SCN3A: variants seen among roughly 807,000 people sequenced by gnomAD.
The protein encoded by SCN3A is sodium voltage-gated channel alpha subunit 3.
SCN3A carries 60 observed loss-of-function variants against 187.6 expected under a neutral mutation model. That is an observed-to-expected ratio of 0.32 (90% CI 0.26 to 0.40). SCN3A has a LOEUF of 0.40. SCN3A is among the 10% of genes least tolerant of loss of function. The pLI, the probability that SCN3A is intolerant of heterozygous loss-of-function variation, is 1.00. For missense variants in SCN3A, 1,601 were observed against 2,428.2 expected, an observed-to-expected ratio of 0.66 and a Z score of 7.16; for synonymous variants, 788 against 829.2, an observed-to-expected ratio of 0.95 and a Z score of 0.85.
chr2:165,113,548 C>T (rs1055485072), intron 20 of SCN3A, among the ~76,000 whole-genome samples: 9 of 151,968 alleles, frequency 5.9e-5, no homozygotes, highest in South Asian at 2.1e-4. Flanking sequence ...GGGAAAGTAA[C>T]GTGGTTACAG....
At chr2:165,152,595 G>A (rs1688751090) in intron 11 of SCN3A, among the ~76,000 whole-genome samples, 2 of 152,230 alleles carry the variant, frequency 1.3e-5, no homozygotes, top group East Asian at 1.9e-4. Flanking sequence ...TCCAGTAATG[G>A]GATGGCTGGG....
At chr2:165,111,265 AC>A (rs1043207886) in intron 21 of SCN3A, among the ~76,000 whole-genome samples, 1 of 152,094 alleles carries the variant, frequency 6.6e-6, no homozygotes, top group Non-Finnish European at 1.5e-5. Flanking sequence ...AACCCCAGAG[AC>A]GGAGGTTGCA....
intron 2 of SCN3A, among the ~76,000 whole-genome samples, chr2:165,181,996 T>C (rs540008281): frequency 6.6e-6 from 1 of 152,292 alleles, no homozygotes; most frequent in East Asian, 1.9e-4. Flanking sequence ...ATGAAGAAAA[T>C]GCAGACTATG....
chr2:165,138,781 T>C (rs1687818632), intron 14 of SCN3A, among the ~76,000 whole-genome samples: 1 of 152,156 alleles, frequency 6.6e-6, no homozygotes, highest in Admixed American at 6.6e-5. Flanking sequence ...TGATATAAAA[T>C]GTAATTGATG....
intron 17 of SCN3A, among the ~76,000 whole-genome samples, chr2:165,128,741 T>A (rs1355892827): frequency 4.6e-5 from 7 of 152,220 alleles, no homozygotes. Context: ...TCTAAAAGTA[T>A]ACCAGGGTTT....
chr2:165,176,586 C>A, intron 2 of SCN3A, 142 bp from the exon 3 acceptor site: 1 of 629,108 alleles, frequency 1.6e-6, no homozygotes, highest in South Asian at 1.9e-5. Flanking sequence ...CACATTTGAA[C>A]TTGAAAACAT....
intron 9 of SCN3A, among the ~76,000 whole-genome samples, chr2:165,157,155 C>T (rs771378132): frequency 1.3e-5 from 2 of 152,168 alleles, no homozygotes; most frequent in African/African-American, 2.4e-5. Context: ...CGTGATCCGC[C>T]TGCCTCGGCC....
chr2:165,112,922 G>C lies in SCN3A; in HGVS notation c.3806C>G (p.Thr1269Ser). ...GAAATCTAGCCAGCACCAGGCATTA[G>C]TGAAATATGTTTGAAATCCATAAGC... Reference protein sequence around the residue: ...WVAYGFQTYFTNAWCWLDFLI... With the variant: ...WVAYGFQTYFSNAWCWLDFLI... The change falls in exon 21 of 28, where the codon ACT (threonine) becomes AGT (serine). Residue 1269 changes from threonine to serine, a missense_variant. By Grantham distance (58) the Thr-to-Ser change is moderately conservative (BLOSUM62 1). Around this residue, in one of 11 missense-constraint regions of SCN3A, gnomAD observed 320 missense variants for 623.2 expected, o/e 0.51. Coordinates refer to ENST00000283254, the MANE Select transcript of SCN3A (RefSeq NM_006922.4). 1 of 1,613,502 alleles carries C rather than the reference G, an allele frequency of 6.2e-7. No homozygotes were observed.
At chr2:165,135,258 A>T (rs1687596308) in intron 15 of SCN3A, among the ~76,000 whole-genome samples, 2 of 152,088 alleles carry the variant, frequency 1.3e-5, no homozygotes. Context: ...AAAAATACGG[A>T]GCACCTTAGC....
At position 165,176,447 on chromosome 2, in the gene SCN3A, G is replaced by T; in HGVS notation, c.-50-3C>A. On this transcript the variant is annotated splice_polypyrimidine_tract_variant and splice_region_variant and intron_variant, in intron 2 of 27. Transcript: ENST00000283254. ...GTAGCTTCTTGCATACGAATTACCTGCAATAAAAGAAAAATTGCACAAGAG... is the reference window on the plus strand; with the variant it reads ...GTAGCTTCTTGCATACGAATTACCTTCAATAAAAGAAAAATTGCACAAGAG... The T allele has an allele frequency of 6.2e-7, 1 of 1,609,420 alleles. No homozygotes were observed. The highest frequency in any genetic ancestry group is 8.5e-7 in the Non-Finnish European group (1 of 1,177,098).
At chr2:165,177,900 A>G (rs1303782849) in intron 2 of SCN3A, among the ~76,000 whole-genome samples, 1 of 152,222 alleles carries the variant, frequency 6.6e-6, no homozygotes, top group African/African-American at 2.4e-5. Flanking sequence ...TAAGTACATC[A>G]GTCATCTTAT....
chr2:165,147,285 G>GTT (rs1688412088), intron 11 of SCN3A, among the ~76,000 whole-genome samples: 2 of 48,720 alleles, frequency 4.1e-5, no homozygotes, highest in African/African-American at 1.1e-4. Context: ...CTTTTTTTTG[G>GTT]GGGGGGGGGG....
In SCN3A at chr2:165,162,760, C is replaced by T; in HGVS notation, c.763G>A (p.Val255Met). The part of the protein sequence containing the change: ...KKLSDVMILT[V>M]FCLSVFALIG... ...AGAGCAAACACGCTCAGACAGAACA[C>T]AGTCAGGATCATCACATCAGAAAGC... The change falls in exon 8 of 28, where the codon GTG (valine) becomes ATG (methionine). Residue 255 changes from valine to methionine, a missense_variant. Coordinates refer to ENST00000283254, the MANE Select transcript of SCN3A (RefSeq NM_006922.4). 6.8e-6 allele frequency: 11 copies of T among 1,614,126 alleles called. No individual in the cohort carries two copies. Among genetic ancestry groups the T allele is most frequent in the Non-Finnish European group, 9.3e-6 (11 of 1,179,992 alleles).
At chr2:165,176,659 G>A (rs1559264827) in intron 2 of SCN3A, among the ~76,000 whole-genome samples, 1 of 151,974 alleles carries the variant, frequency 6.6e-6, no homozygotes, top group African/African-American at 2.4e-5. Flanking sequence ...TGTACTTAAT[G>A]TTAATTAGTT....
intron 18 of SCN3A, chr2:165,122,972 T>C (rs1425813173): frequency 1.3e-5 from 2 of 152,186 alleles, no homozygotes; most frequent in Non-Finnish European, 2.9e-5. Context: ...GAATTCAACT[T>C]CAAATATGAT....
intron 12 of SCN3A, 145 bp downstream of exon 12, chr2:165,146,594 A>G: frequency 2.5e-6 from 2 of 786,996 alleles, no homozygotes; most frequent in Non-Finnish European, 4.0e-6. Context: ...ACAATCTATT[A>G]TAAGAATTTA....
chr2:165,163,920 T>TA lies in SCN3A; in HGVS notation c.603-212dup, dbSNP rs1370170371. On this transcript the variant is annotated intron_variant, in intron 6 of 27. Transcript: ENST00000283254. The stretch of plus-strand genomic sequence containing the variant: ...TGCAGAATTAAATCAGAGTTACTGA[T>TA]AGTTTTGGCAAAGTTTATACTAAAT... 3 of 1,601,672 alleles carry TA rather than the reference T, an allele frequency of 1.9e-6. No individual in the cohort carries two copies. The African/African-American group carries it at 4.0e-5, about 21-fold the overall frequency.
chr2:165,090,119 A>G lies in SCN3A; in HGVS notation c.*31T>C. On this transcript the variant is annotated 3_prime_UTR_variant, in exon 28 of 28. Transcript: ENST00000283254. The surrounding 1 kb of genome is among the most constrained non-coding windows in gnomAD (Gnocchi z 4.0). The stretch of plus-strand genomic sequence containing the variant: ...ACTTTACCTTCATAGGCTGTAAACA[A>G]TTGATCACAAAGATAATTCTTTGTT... The G allele has an allele frequency of 6.4e-7, 1 of 1,555,178 alleles. No homozygotes were observed. The highest frequency in any genetic ancestry group is 1.2e-5 in the South Asian group (1 of 84,922).
At chr2:165,189,561 G>A (rs1691464003) in intron 1 of SCN3A, among the ~76,000 whole-genome samples, 1 of 152,180 alleles carries the variant, frequency 6.6e-6, no homozygotes, top group Non-Finnish European at 1.5e-5. Flanking sequence ...AATGCTAGAT[G>A]TCACCAGCTG....
Sources: allele counts gnomAD v4.1 joint callset (sites outside exome capture counted in the v4.1 genomes callset), GRCh38; gene constraint gnomAD v4.1.1; regional missense constraint gnomAD v4.1.1; non-coding constraint Gnocchi (gnomAD v3.1); transcripts MANE v1.5; gene names NCBI Gene and HGNC (gene_info 2026-07-23, HGNC 2026-07-21).